The following UBA6 variants were observed in gnomAD, a reference collection of about 807,000 sequenced individuals.
UBA6 encodes the protein ubiquitin-like modifier-activating enzyme 6.
In UBA6, 87 loss-of-function variants were observed where a neutral mutation model predicts 148.3. The observed-to-expected ratio is 0.59, with a 90% CI of 0.49 to 0.70. The LOEUF (loss-of-function observed/expected upper bound fraction) is 0.70, where lower values mean the gene tolerates loss of function less well. Ranked by LOEUF, UBA6 falls within the 30% of genes least tolerant of loss-of-function variation. UBA6 has a pLI of 0.00. For missense variants in UBA6, 1,186 were observed against 1,241.2 expected (o/e 0.96, Z 0.67); for synonymous variants, 376 against 401.0 (o/e 0.94, Z 0.75).
chr4:67,648,478 A>AAT (rs1729475279), intron 14 of UBA6, among the ~76,000 whole-genome samples: 1 of 151,716 alleles, frequency 6.6e-6, no homozygotes, highest in Non-Finnish European at 1.5e-5. Flanking sequence ...AAAAAAAAAA[A>AAT]AAAATTAAAA....
At chr4:67,685,174 C>A (rs933158454) in intron 2 of UBA6, among the ~76,000 whole-genome samples, 19 of 152,032 alleles carry the variant, frequency 1.2e-4, no homozygotes, top group African/African-American at 4.1e-4. Flanking sequence ...ATTTTTTAGT[C>A]ATTTCTCTTA....
intron 2 of UBA6, among the ~76,000 whole-genome samples, chr4:67,682,756 A>G (rs72642390): frequency 0.15 from 23,066 of 152,232 alleles, 1,813 homozygotes; most frequent in South Asian, 0.22. Flanking sequence ...AAAGTCTGAT[A>G]TAGTAATAAA....
Position 67,658,253 on chromosome 4 carries a change from G to A in UBA6, c.1104+3936C>T, listed in dbSNP as rs138984879. Among the ~76,000 whole-genome samples, 326 of 152,284 alleles carry A rather than the reference G, an allele frequency of 2.1e-3. 2 individuals carry two copies. Among genetic ancestry groups the A allele is most frequent in the Middle Eastern group, 0.014 (4 of 294 alleles). On this transcript the variant is annotated intron_variant, in intron 13 of 32. Transcript: ENST00000322244. ...AGACAAATTCACACGTATGTTTATT[G>A]TGGCACTATTCACTATAGCAAACTT...
rs200369441 is a variant in UBA6 at position 67,622,839 on chromosome 4, C to T, written c.3015G>A (p.Leu1005=). 2.9e-5 allele frequency: 46 copies of T among 1,608,432 alleles called. No homozygotes were observed. Among genetic ancestry groups the T allele is most frequent in the Non-Finnish European group, 3.8e-5 (45 of 1,177,924 alleles). The change falls in exon 32 of 33, where the codon TTG becomes TTA. Residue 1005 remains leucine (L), a synonymous_variant. Coordinates refer to ENST00000322244, the MANE Select transcript of UBA6 (RefSeq NM_018227.6). Reference sequence around the variant, plus strand: ...TAATGTTGAATACTTACGTTAACTTCAATCTTTTTGCATGACCAGGCATTA... The same window carrying T: ...TAATGTTGAATACTTACGTTAACTTTAATCTTTTTGCATGACCAGGCATTA... ...VPVMPGHAKR[L]KLTMHKLVKP...
intron 2 of UBA6, among the ~76,000 whole-genome samples, chr4:67,684,424 T>C (rs916144138): frequency 3.3e-5 from 5 of 149,398 alleles, no homozygotes; most frequent in African/African-American, 9.7e-5. Context: ...ATTTTAATTA[T>C]GATTCTTTTT....
At chr4:67,657,938 G>A (rs1286011990) in intron 13 of UBA6, among the ~76,000 whole-genome samples, 1 of 151,968 alleles carries the variant, frequency 6.6e-6, no homozygotes, top group Non-Finnish European at 1.5e-5. Flanking sequence ...CCAGACACAT[G>A]CAAAAATGCT....
chr4:67,627,937 CT>C (rs34031669), intron 27 of UBA6, among the ~76,000 whole-genome samples: 16,884 of 134,990 alleles, frequency 0.13, 968 homozygotes, highest in South Asian at 0.21. Context: ...CTCCCTATTG[CT>C]TTTTTTTTTT....
intron 32 of UBA6, among the ~76,000 whole-genome samples, chr4:67,621,134 G>A (rs1036564979): frequency 2.6e-5 from 4 of 152,174 alleles, no homozygotes; most frequent in Admixed American, 2.0e-4. Flanking sequence ...GTCCACTGCA[G>A]CATAAAATAA....
At chr4:67,694,013 G>T (rs1730763160) in intron 2 of UBA6, among the ~76,000 whole-genome samples, 1 of 151,668 alleles carries the variant, frequency 6.6e-6, no homozygotes, top group South Asian at 2.1e-4. Flanking sequence ...AAGAGACTGA[G>T]ATCATCCTGG....
chr4:67,664,601 A>T (rs2109934610), intron 10 of UBA6, among the ~76,000 whole-genome samples: 1 of 152,272 alleles, frequency 6.6e-6, no homozygotes, highest in Admixed American at 6.5e-5. Context: ...GGATTTTAGT[A>T]GCACAAGATC....
chr4:67,636,692 T>G (rs572841161), intron 19 of UBA6, among the ~76,000 whole-genome samples: 3 of 152,350 alleles, frequency 2.0e-5, no homozygotes, highest in African/African-American at 7.2e-5. Flanking sequence ...CTTCATTCAG[T>G]GCTCAATGTT....
rs1274525937 is a variant in UBA6, at chr4:67,618,431, A to C, written c.*566T>G. The C allele has an allele frequency of 6.5e-6, 1 of 152,692 alleles. No homozygotes were observed. Among genetic ancestry groups the C allele is most frequent in the Non-Finnish European group, 1.5e-5 (1 of 68,078 alleles). The allele number at this position is 152,692 out of a possible 1,614,324, so 9.5% of individuals were successfully genotyped here. ...GACACAGTGATATAACAAACTGGTT[A>C]AACGAGCAGAGGTAATAGGACAGTA... is the stretch of plus-strand genomic sequence containing the variant. On this transcript the variant is annotated 3_prime_UTR_variant, in exon 33 of 33. Coordinates refer to ENST00000322244, the MANE Select transcript of UBA6 (RefSeq NM_018227.6).
In UBA6 at chr4:67,624,128, G is replaced by C; in HGVS notation, c.2838C>G (p.Ile946Met). 1 of 1,581,374 alleles carries C rather than the reference G, an allele frequency of 6.3e-7. No individual in the cohort carries two copies. The highest frequency in any genetic ancestry group is 8.6e-7 in the Non-Finnish European group (1 of 1,166,720). Residue 946 changes from isoleucine (I) to methionine (M), a missense_variant and splice_region_variant, in exon 30 of 33, where the codon ATC (isoleucine) becomes ATG (methionine). Transcript: ENST00000322244. ...TETTEVRKTKIRNGISFTIWD... is the reference protein window; with the variant it reads ...TETTEVRKTKMRNGISFTIWD... ...GAGAAATAGACTTTCATACATACCT[G>C]ATTTTAGTTTTCCTTACTTCAGTTG...
Position 67,644,783 on chromosome 4 carries a change from G to A in UBA6, c.1396-5C>T. 6.3e-7 allele frequency: 1 copy of A among 1,575,468 alleles called. No individual in the cohort carries two copies. Among genetic ancestry groups the A allele is most frequent in the South Asian group, 1.1e-5 (1 of 89,744 alleles). On this transcript the variant is annotated splice_polypyrimidine_tract_variant and splice_region_variant and intron_variant, in intron 16 of 32. Transcript: ENST00000322244. ...GCCTATGGCTCCACACCCTACCTAT[G>A]GAGGAGAAAAATGGTATATATCAGA...
Position 67,668,541 on chromosome 4 carries a change from A to C in UBA6, c.793+10T>G, listed in dbSNP as rs1410018050. On this transcript the variant is annotated intron_variant, in intron 9 of 32. Transcript: ENST00000322244. ...AAGTATAAATGAATTAATAAAACAC[A>C]TTGACTTACCCGTTATTTGTTGTAT... 5 of 1,606,120 alleles carry C rather than the reference A, an allele frequency of 3.1e-6. No individual in the cohort carries two copies. Among genetic ancestry groups the C allele is most frequent in the Non-Finnish European group, 3.4e-6 (4 of 1,175,644 alleles).
intron 30 of UBA6, among the ~76,000 whole-genome samples, chr4:67,623,538 T>C (rs928247067): frequency 6.6e-5 from 10 of 152,138 alleles, no homozygotes; most frequent in African/African-American, 2.4e-4. Context: ...CAGTACCCCA[T>C]TACTGGACAC....
In UBA6 at chr4:67,612,748, G is replaced by A. The variant is rs1029042394; in HGVS notation, c.*6249C>T. 4 of 152,132 alleles carry A rather than the reference G, an allele frequency of 2.6e-5. No homozygotes were observed. The highest frequency in any genetic ancestry group is 4.4e-5 in the Non-Finnish European group (3 of 68,034). 9.4% of individuals were successfully genotyped at this position (152,132 alleles called of 1,614,324 possible). On this transcript the variant is annotated 3_prime_UTR_variant, in exon 33 of 33. Coordinates refer to ENST00000322244, the MANE Select transcript of UBA6 (RefSeq NM_018227.6). ...ACATAATCAACAGGAAATAATGTGG[G>A]CTAAGTAATTTGGATTAACATTCTC...
At chr4:67,637,961 T>TAAATAAAG (rs1729206335) in intron 19 of UBA6, among the ~76,000 whole-genome samples, 1 of 150,012 alleles carries the variant, frequency 6.7e-6, no homozygotes, top group South Asian at 2.1e-4. Flanking sequence ...AATAAATAAA[T>TAAATAAAG]AAATAAAAAG....
chr4:67,694,919 A>G (rs922606565), intron 2 of UBA6, among the ~76,000 whole-genome samples: 1 of 152,172 alleles, frequency 6.6e-6, no homozygotes, highest in Non-Finnish European at 1.5e-5. Flanking sequence ...ACCAAAAGAT[A>G]CTCTCCGTCA....
Sources: allele counts gnomAD v4.1 joint callset (sites outside exome capture counted in the v4.1 genomes callset), GRCh38; gene constraint gnomAD v4.1.1; transcripts MANE v1.5; gene names NCBI Gene and HGNC (gene_info 2026-07-23, HGNC 2026-07-21).